Variants in DYNC2H1 observed in about 807,000 individuals in gnomAD.
DYNC2H1 encodes the protein dynein cytoplasmic 2 heavy chain 1, also known as cytoplasmic dynein 2 heavy chain 1.
DYNC2H1 carries 410 observed loss-of-function variants against 570.0 expected under a neutral mutation model. The ratio of observed to expected loss-of-function variants is 0.72; its 90% CI spans 0.66 to 0.78. The LOEUF is 0.78. DYNC2H1 is among the 30% of genes least tolerant of loss of function. The pLI, the probability that DYNC2H1 is intolerant of heterozygous loss-of-function variation, is 0.00. For missense variants in DYNC2H1, 4,865 were observed against 5,046.4 expected, an observed-to-expected ratio of 0.96 and a Z score of 1.09; for synonymous variants, 1,688 against 1,677.6, an observed-to-expected ratio of 1.01 and a Z score of -0.15.
At chr11:103,424,906 T>C (rs2135725204) in intron 84 of DYNC2H1, among the ~76,000 whole-genome samples, 1 of 152,290 alleles carries the variant, frequency 6.6e-6, no homozygotes, top group Admixed American at 6.6e-5. Flanking sequence ...TTCTGTCTTA[T>C]ATCCAATAGA....
intron 31 of DYNC2H1, among the ~76,000 whole-genome samples, chr11:103,166,990 C>CAT (rs776490313): frequency 3.2e-4 from 18 of 56,992 alleles, no homozygotes; most frequent in Non-Finnish European, 4.9e-4. Context: ...GAGGCGCTGC[C>CAT]TTTTTTTTTT....
intron 48 of DYNC2H1, among the ~76,000 whole-genome samples, chr11:103,198,505 A>G (rs643666): frequency 0.58 from 87,509 of 151,968 alleles, 25,823 homozygotes; most frequent in Admixed American, 0.69. Context: ...AACTTTGAGT[A>G]GTGCTATCCT....
At position 103,186,633 on chromosome 11, in the gene DYNC2H1, C is replaced by A; in HGVS notation, c.6893+132C>A. On this transcript the variant is annotated intron_variant, in intron 42 of 88. Transcript: ENST00000375735. The surrounding 1 kb of genome is among the most constrained non-coding windows in gnomAD (Gnocchi z 4.5). ...TTTCATGGAAGATTCATTTTATTTT[C>A]ATTACTTATAAAAATAAGAACTATG... The A allele has an allele frequency of 8.1e-7, 1 of 1,236,484 alleles. No homozygotes were observed. The highest frequency in any genetic ancestry group is 2.6e-5 in the East Asian group (1 of 38,806). The allele number at this position is 1,236,484 out of a possible 1,614,324, so 76.6% of individuals were successfully genotyped here. A position where few individuals can be genotyped will look rare whatever the true frequency, so the allele number is the denominator to read the frequency against.
chr11:103,230,435 T>G (rs1863961581), intron 59 of DYNC2H1, among the ~76,000 whole-genome samples: 1 of 152,142 alleles, frequency 6.6e-6, no homozygotes, highest in Non-Finnish European at 1.5e-5. Context: ...AAAAGAATCT[T>G]TTTATCTTTC....
At chr11:103,335,478 G>A (rs199537025) in intron 82 of DYNC2H1, among the ~76,000 whole-genome samples, 22,594 of 151,756 alleles carry the variant, frequency 0.15, 1,836 homozygotes, top group Admixed American at 0.25. Flanking sequence ...ATGTTTGGTT[G>A]GCTTCTGGCC....
chr11:103,165,286 C>A (rs920414588), intron 30 of DYNC2H1, among the ~76,000 whole-genome samples: 17 of 152,070 alleles, frequency 1.1e-4, no homozygotes, highest in Non-Finnish European at 8.8e-5. Flanking sequence ...TGCCACCATA[C>A]CTGGCTAATT....
chr11:103,159,219 C>T (rs956528538), intron 28 of DYNC2H1, among the ~76,000 whole-genome samples, 192 bp downstream of exon 28: 1 of 152,112 alleles, frequency 6.6e-6, no homozygotes, highest in African/African-American at 2.4e-5. Flanking sequence ...TACAGTGTGA[C>T]AATTCTGGTG....
In DYNC2H1 at chr11:103,321,275, AGATACGT is replaced by A. The variant is rs1938176940; in HGVS notation, c.11934+41_11934+47del. 3 of 1,513,412 alleles carry A rather than the reference AGATACGT, an allele frequency of 2.0e-6. No individual in the cohort carries two copies. The East Asian group carries it at 6.9e-5, about 35-fold the overall frequency. The allele number at this position is 1,513,412 out of a possible 1,614,324, so 93.7% of individuals were successfully genotyped here. On this transcript the variant is annotated intron_variant, in intron 81 of 88. Coordinates refer to ENST00000375735, the MANE Select transcript of DYNC2H1 (RefSeq NM_001377.3). ...AATGATTTTCAATCTATTTCCAGGT[AGATACGT>A]GAATCATTTCTTACATTGTTAAATA...
In DYNC2H1 at chr11:103,185,015, T is replaced by C; in HGVS notation, c.6597T>C (p.Asn2199=). Residue 2199 remains asparagine, a synonymous_variant, in exon 41 of 89, where the codon AAT becomes AAC. Coordinates refer to ENST00000375735, the MANE Select transcript of DYNC2H1 (RefSeq NM_001377.3). The surrounding 1 kb of genome is among the most constrained non-coding windows in gnomAD (Gnocchi z 4.5). The part of the protein sequence containing the change: ...IINLIRGLGG[N]LNMKSRLEFT... ...ATCTCATAAGGGGACTTGGTGGAAA[T>C]CTGAATATGAAGTCACGTTTGGAAT... is the stretch of plus-strand genomic sequence containing the variant. 1 of 1,609,894 alleles carries C rather than the reference T, an allele frequency of 6.2e-7. No individual in the cohort carries two copies. The highest frequency in any genetic ancestry group is 8.5e-7 in the Non-Finnish European group (1 of 1,177,300).
At position 103,155,319 on chromosome 11, in the gene DYNC2H1, T is replaced by G. The variant is rs766722969; in HGVS notation, c.3574-12T>G. The G allele has an allele frequency of 1.3e-6, 2 of 1,588,362 alleles. No homozygotes were observed. Among genetic ancestry groups the G allele is most frequent in the Admixed American group, 3.8e-5 (2 of 53,060 alleles). ...TATACATATGACTTTTTCTTTTTTTTTTTTGTAACAGATCGTAATTCCTAT... is the reference window on the plus strand; with the variant it reads ...TATACATATGACTTTTTCTTTTTTTGTTTTGTAACAGATCGTAATTCCTAT... On this transcript the variant is annotated splice_polypyrimidine_tract_variant and intron_variant, in intron 24 of 88. Transcript: ENST00000375735.
chr11:103,435,888 T>C (rs1944042789), intron 84 of DYNC2H1, 55 bp from the exon 85 acceptor site: 2 of 1,549,092 alleles, frequency 1.3e-6, no homozygotes, highest in Admixed American at 1.8e-5. Flanking sequence ...GTTAGTAGTC[T>C]TCTATATGTA....
At chr11:103,451,486 C>T (rs1944602595) in intron 85 of DYNC2H1, among the ~76,000 whole-genome samples, 1 of 151,980 alleles carries the variant, frequency 6.6e-6, no homozygotes, top group South Asian at 2.1e-4. Context: ...GCGCGTGCCA[C>T]CACGCCTGGC....
intron 84 of DYNC2H1, among the ~76,000 whole-genome samples, chr11:103,412,717 T>G (rs1441852147): frequency 2.0e-5 from 3 of 152,176 alleles, no homozygotes; most frequent in Non-Finnish European, 4.4e-5. Context: ...TTTTCAAAAC[T>G]GTTTAATCAT....
rs768996801 is a variant in DYNC2H1, at chr11:103,289,734, G to A, written c.11095+2129G>A. On this transcript the variant is annotated intron_variant, in intron 75 of 88. Transcript: ENST00000375735. The surrounding 1 kb of genome is among the most constrained non-coding windows in gnomAD (Gnocchi z 4.2). ...TGTGATTCTGTCACCACATCCCAGC[G>A]TGGACAGCAGAGCAAGACCTCATCT... Among the ~76,000 whole-genome samples, 7 of 152,196 alleles carry A rather than the reference G, an allele frequency of 4.6e-5. No homozygotes were observed. Among genetic ancestry groups the A allele is most frequent in the South Asian group, 2.1e-4 (1 of 4,816 alleles).
chr11:103,115,359 T>C (rs769891971), intron 4 of DYNC2H1, 64 bp downstream of exon 4: 80 of 1,018,986 alleles, frequency 7.9e-5, no homozygotes, highest in Non-Finnish European at 1.1e-4. Context: ...ATTCAATTTT[T>C]ACAGCCTCTC....
At chr11:103,347,218 G>A (rs1321007767) in intron 82 of DYNC2H1, among the ~76,000 whole-genome samples, 7 of 152,104 alleles carry the variant, frequency 4.6e-5, no homozygotes, top group Non-Finnish European at 1.0e-4. Context: ...TTAATGGCAG[G>A]CAAAAGAGGC....
chr11:103,141,452 G>A (rs1368037016), intron 17 of DYNC2H1, among the ~76,000 whole-genome samples: 1 of 152,146 alleles, frequency 6.6e-6, no homozygotes. Flanking sequence ...GTCTGTTGGA[G>A]TTTGTTAGAG....
Position 103,275,648 on chromosome 11 carries a change from A to G in DYNC2H1, c.10696-4700A>G, listed in dbSNP as rs1865879147. Among the ~76,000 whole-genome samples the G allele has an allele frequency of 6.6e-6, 1 of 152,096 alleles. No homozygotes were observed. Among genetic ancestry groups the G allele is most frequent in the African/African-American group, 2.4e-5 (1 of 41,400 alleles). On this transcript the variant is annotated intron_variant, in intron 70 of 88. Coordinates refer to ENST00000375735, the MANE Select transcript of DYNC2H1 (RefSeq NM_001377.3). This position sits in a 1 kb window ranked among gnomAD's most constrained non-coding sequence, Gnocchi z 4.8. ...CTTTGTAGATTGTCTTCTTTCACTT[A>G]CTATTGTACGTTTAAGGTTCTTTCA...
At chr11:103,354,338 T>A (rs1230832784) in intron 82 of DYNC2H1, among the ~76,000 whole-genome samples, 1 of 152,050 alleles carries the variant, frequency 6.6e-6, no homozygotes. Flanking sequence ...TTTGGAAAAT[T>A]TATTCTATAC....
Sources: allele counts gnomAD v4.1 joint callset (sites outside exome capture counted in the v4.1 genomes callset), GRCh38; gene constraint gnomAD v4.1.1; non-coding constraint Gnocchi (gnomAD v3.1); transcripts MANE v1.5; gene names NCBI Gene and HGNC (gene_info 2026-07-23, HGNC 2026-07-21).